FBN1: variants seen among roughly 807,000 people sequenced by gnomAD.
The protein encoded by FBN1 is fibrillin 1.
Under a neutral mutation model 365.1 loss-of-function variants are expected in FBN1, and 29 were observed. The ratio of observed to expected loss-of-function variants is 0.08; its 90% CI spans 0.06 to 0.11. The LOEUF (loss-of-function observed/expected upper bound fraction) is 0.11. Among genes scored for constraint, FBN1 ranks in the 10% least tolerant of loss-of-function variants. The pLI, the probability that FBN1 is intolerant of heterozygous loss-of-function variation, is 1.00. For missense variants in FBN1, 2,476 were observed against 3,703.2 expected, an observed-to-expected ratio of 0.67 and a Z score of 8.60; for synonymous variants, 1,210 against 1,270.5, an observed-to-expected ratio of 0.95 and a Z score of 1.01.
chr15:48,421,798 C>T (rs1303656710), intron 61 of FBN1, 112 bp from the exon 62 acceptor site: 12 of 1,343,492 alleles, frequency 8.9e-6, no homozygotes, highest in Non-Finnish European at 7.3e-6. Flanking sequence ...AGGCCAACAA[C>T]GCTTCACATA....
chr15:48,456,854 G>GTGTT (rs1349449843), intron 43 of FBN1, 92 bp from the exon 44 acceptor site: 27 of 1,083,506 alleles, frequency 2.5e-5, no homozygotes, highest in Non-Finnish European at 3.5e-5. Flanking sequence ...GTGTGTGTGT[G>GTGTT]TGTGTGTGTG....
intron 11 of FBN1, 113 bp from the exon 12 acceptor site, chr15:48,515,640 T>TTCC: frequency 7.0e-7 from 1 of 1,426,650 alleles, no homozygotes; most frequent in Non-Finnish European, 9.8e-7. Flanking sequence ...AGGATACTCT[T>TTCC]TGGGCAAAGG....
intron 6 of FBN1, among the ~76,000 whole-genome samples, chr15:48,568,053 A>AAAGAAAGAAGAAAG (rs1566928779): frequency 1.0e-5 from 1 of 95,668 alleles, no homozygotes; most frequent in East Asian, 3.0e-4. Context: ...AAGAAAGAAG[A>AAAGAAAGAAGAAAG]AAGAAAGAAA....
chr15:48,640,388 G>A (rs1890177067), intron 2 of FBN1, among the ~76,000 whole-genome samples: 1 of 152,092 alleles, frequency 6.6e-6, no homozygotes, highest in Admixed American at 6.6e-5. Context: ...TACCCCTGCA[G>A]GAGTCTTTCC....
chr15:48,552,122 C>T (rs1259578365), intron 6 of FBN1, among the ~76,000 whole-genome samples: 4 of 152,164 alleles, frequency 2.6e-5, no homozygotes, highest in Non-Finnish European at 5.9e-5. Flanking sequence ...CTTCCAACAA[C>T]AGTGTATAAG....
In FBN1 at chr15:48,453,864, G is replaced by A. The variant is rs77420063; in HGVS notation, c.5423-1180C>T. On this transcript the variant is annotated intron_variant, in intron 44 of 65. Coordinates refer to ENST00000316623, the MANE Select transcript of FBN1 (RefSeq NM_000138.5). Reference sequence around the variant, plus strand: ...AAAAAGAAAGAAAGAAAGGAAGACCGAAAGTCCATTATCTAAACTTTCCCA... The same window carrying A: ...AAAAAGAAAGAAAGAAAGGAAGACCAAAAGTCCATTATCTAAACTTTCCCA... Among the ~76,000 whole-genome samples, 2,466 of 151,928 alleles carry A rather than the reference G, an allele frequency of 0.016. 205 individuals carry two copies. The East Asian group carries it at 0.24, about 15-fold the overall frequency.
intron 6 of FBN1, among the ~76,000 whole-genome samples, chr15:48,554,735 T>C (rs1394674126): frequency 2.0e-5 from 3 of 152,106 alleles, no homozygotes; most frequent in Non-Finnish European, 2.9e-5. Context: ...ATAGAAAAGG[T>C]AAGCTACATA....
intron 55 of FBN1, 46 bp from the exon 56 acceptor site, chr15:48,430,848 A>G: frequency 6.3e-7 from 1 of 1,592,420 alleles, no homozygotes; most frequent in Non-Finnish European, 8.6e-7. Flanking sequence ...AAATGCATAT[A>G]TCTGCCTTAA....
rs3743291 is a variant in FBN1, at chr15:48,515,768, T to C, written c.1328-241A>G. Reference sequence around the variant, plus strand: ...GCTTTTCTCTGCCCTCTTCACCACCTCACTCTCAAACCTCTAGTTTGCAGA... The same window carrying C: ...GCTTTTCTCTGCCCTCTTCACCACCCCACTCTCAAACCTCTAGTTTGCAGA... On this transcript the variant is annotated intron_variant, in intron 11 of 65. Transcript: ENST00000316623. Among the ~76,000 whole-genome samples, 337 of 152,270 alleles carry C rather than the reference T, an allele frequency of 2.2e-3. 9 individuals are homozygous for C. Among genetic ancestry groups the C allele is most frequent in the Admixed American group, 0.017 (262 of 15,292 alleles).
Position 48,473,092 on chromosome 15 carries a change from C to T in FBN1, c.4211-416G>A, listed in dbSNP as rs141274268. ...AAAAATTCCATCTGCTTAATCTCTA[C>T]CTAGTTTTCTTAATAATCACAGGCA... On this transcript the variant is annotated intron_variant, in intron 34 of 65. Coordinates refer to ENST00000316623, the MANE Select transcript of FBN1 (RefSeq NM_000138.5). Among the ~76,000 whole-genome samples, 643 of 152,294 alleles carry T rather than the reference C, an allele frequency of 4.2e-3. 5 individuals are homozygous for T. Among genetic ancestry groups the T allele is most frequent in the Non-Finnish European group, 6.8e-3 (463 of 68,026 alleles).
chr15:48,632,407 G>A (rs990053308), intron 2 of FBN1, among the ~76,000 whole-genome samples: 6 of 152,068 alleles, frequency 3.9e-5, no homozygotes, highest in African/African-American at 1.4e-4. Context: ...AACATGTCAG[G>A]CATAGTACTA....
Position 48,448,764 on chromosome 15 carries a change from T to C in FBN1, c.5671+4A>G. ...GAAAAAAATAATAATAATTGCATAC[T>C]TACCCAAGCACATGGTTTGGTCATC... On this transcript the variant is annotated splice_donor_region_variant and intron_variant, in intron 46 of 65. Coordinates refer to ENST00000316623, the MANE Select transcript of FBN1 (RefSeq NM_000138.5). The C allele has an allele frequency of 6.2e-7, 1 of 1,611,896 alleles. No homozygotes were observed. Among genetic ancestry groups the C allele is most frequent in the Non-Finnish European group, 8.5e-7 (1 of 1,178,760 alleles).
At chr15:48,449,631 CAT>C (rs951106639) in intron 45 of FBN1, among the ~76,000 whole-genome samples, 1 of 152,194 alleles carries the variant, frequency 6.6e-6, no homozygotes, top group Non-Finnish European at 1.5e-5. Context: ...CATGAATTCA[CAT>C]ATGACATAAT....
chr15:48,565,418 G>A (rs1356577874), intron 6 of FBN1, among the ~76,000 whole-genome samples: 1 of 151,954 alleles, frequency 6.6e-6, no homozygotes, highest in African/African-American at 2.4e-5. Flanking sequence ...GTGAACCACT[G>A]TAAACATTTT....
intron 8 of FBN1, among the ~76,000 whole-genome samples, chr15:48,533,714 A>G (rs1334351679): frequency 6.6e-6 from 1 of 152,220 alleles, no homozygotes; most frequent in Non-Finnish European, 1.5e-5. Context: ...AAACTTCGGA[A>G]GATATATTAT....
intron 32 of FBN1, among the ~76,000 whole-genome samples, chr15:48,475,303 T>C (rs2043410424): frequency 6.6e-6 from 1 of 152,182 alleles, no homozygotes. Context: ...GTATATTTCA[T>C]GTAAAACTCA....
At chr15:48,504,437 T>C (rs1297669257) in intron 16 of FBN1, among the ~76,000 whole-genome samples, 2 of 152,222 alleles carry the variant, frequency 1.3e-5, no homozygotes, top group Non-Finnish European at 2.9e-5. Context: ...TATATAAATA[T>C]GTAGATGTTG....
At chr15:48,643,600 T>G (rs1890237327) in intron 2 of FBN1, 1 of 152,140 alleles carries the variant, frequency 6.6e-6, no homozygotes, top group South Asian at 2.1e-4. Flanking sequence ...CATCACTTGG[T>G]GACCCAGAGC....
rs1292894070 is a variant in FBN1 at position 48,485,453 on chromosome 15, G to T, written c.3633C>A (p.Phe1211Leu). 6.2e-7 allele frequency: 1 copy of T among 1,614,192 alleles called. No homozygotes were observed. The highest frequency in any genetic ancestry group is 1.3e-5 in the African/African-American group (1 of 75,058). ...CSIMNGGCET[F>L]CTNSEGSYEC... is the part of the protein sequence containing the mutation. ...CATAGCTGCCTTCAGAGTTTGTGCA[G>T]AAGGTTTCACAACCACCATTCATTA... The change falls in exon 30 of 66, where the codon TTC becomes TTA. Residue 1211 changes from phenylalanine (F) to leucine (L), a missense_variant. Around this residue, in one of 5 missense-constraint regions of FBN1, gnomAD observed 1,780 missense variants for 2,840.8 expected, o/e 0.63. Coordinates refer to ENST00000316623, the MANE Select transcript of FBN1 (RefSeq NM_000138.5).
Sources: allele counts gnomAD v4.1 joint callset (sites outside exome capture counted in the v4.1 genomes callset), GRCh38; gene constraint gnomAD v4.1.1; regional missense constraint gnomAD v4.1.1; transcripts MANE v1.5; gene names NCBI Gene and HGNC (gene_info 2026-07-23, HGNC 2026-07-21).